ARHGEF3: variants seen among roughly 807,000 people sequenced by gnomAD.
ARHGEF3 encodes 59.8 kDA protein.
Under a neutral mutation model 63.2 loss-of-function variants are expected in ARHGEF3, and 28 were observed. The ratio of observed to expected loss-of-function variants is 0.44; its 90% CI spans 0.33 to 0.61. The LOEUF is 0.61. Among genes scored for constraint, ARHGEF3 ranks in the 20% least tolerant of loss-of-function variants. The probability of loss-of-function intolerance (pLI) is 0.03; values close to 1 mark genes in which losing one functional copy is unlikely to be tolerated. For missense variants in ARHGEF3, 533 were observed against 659.3 expected (o/e 0.81, Z 2.10); for synonymous variants, 266 against 254.2 (o/e 1.05, Z -0.44).
At chr3:56,913,840 A>T (rs886085932) in intron 3 of ARHGEF3, among the ~76,000 whole-genome samples, 1 of 152,248 alleles carries the variant, frequency 6.6e-6, no homozygotes, top group Non-Finnish European at 1.5e-5. Context: ...TTGCACATGC[A>T]TGTTTATAGC....
At chr3:56,749,800 GCTAAAATTGACTCCTGAA>G (rs1279893101) in intron 6 of ARHGEF3, among the ~76,000 whole-genome samples, 1 of 151,994 alleles carries the variant, frequency 6.6e-6, no homozygotes, top group Non-Finnish European at 1.5e-5. Context: ...CAGCCTTGGT[GCTAAAATTGACTCCTGAA>G]CTAAAGCTAT....
chr3:57,042,697 TATA>T lies in ARHGEF3; in HGVS notation c.-27-7524_-27-7522del, dbSNP rs1470808483. Among the ~76,000 whole-genome samples, 113 of 25,254 alleles carry T rather than the reference TATA, an allele frequency of 4.5e-3. 1 individual carries two copies. Among genetic ancestry groups the T allele is most frequent in the Non-Finnish European group, 4.7e-3 (63 of 13,328 alleles). 16.6% of individuals were successfully genotyped at this position (25,254 alleles called of 152,430 possible). A position where few individuals can be genotyped will look rare whatever the true frequency, so the allele number is the denominator to read the frequency against. On this transcript the variant is annotated intron_variant, in intron 1 of 12. Transcript: ENST00000338458. ...ATATATATATATATATATATATATA[TATA>T]TTTTTTTTTTTTTTTAGACGGAGTC...
At chr3:57,009,983 A>T (rs1029474192) in intron 2 of ARHGEF3, among the ~76,000 whole-genome samples, 12 of 152,212 alleles carry the variant, frequency 7.9e-5, no homozygotes, top group African/African-American at 2.9e-4. Flanking sequence ...AAACAAAGTC[A>T]CACCGCAGCA....
intron 3 of ARHGEF3, among the ~76,000 whole-genome samples, chr3:56,901,488 T>C (rs1260035588): frequency 6.6e-6 from 1 of 151,992 alleles, no homozygotes; most frequent in Non-Finnish European, 1.5e-5. Context: ...CATAGTAGTA[T>C]GTTCTATTAA....
intron 3 of ARHGEF3, among the ~76,000 whole-genome samples, chr3:56,933,815 C>T (rs955196129): frequency 6.6e-6 from 1 of 152,174 alleles, no homozygotes; most frequent in African/African-American, 2.4e-5. Context: ...CAAATCTCCT[C>T]TCAAATTGTA....
rs748788517 is a variant in ARHGEF3 at position 56,755,156 on chromosome 3, A to C, written c.205-5T>G. On this transcript the variant is annotated splice_region_variant and splice_polypyrimidine_tract_variant and intron_variant, in intron 2 of 9. Coordinates refer to ENST00000296315, the MANE Select transcript of ARHGEF3 (RefSeq NM_019555.3). Reference sequence around the variant, plus strand: ...ACTGCGGAAGCTAATGGAGCGCTAAACAATGAGAAAAACAAACCATCACGG... The same window carrying C: ...ACTGCGGAAGCTAATGGAGCGCTAACCAATGAGAAAAACAAACCATCACGG... The C allele has an allele frequency of 6.2e-7, 1 of 1,612,518 alleles. No homozygotes were observed. The highest frequency in any genetic ancestry group is 2.2e-5 in the East Asian group (1 of 44,852).
intron 4 of ARHGEF3, among the ~76,000 whole-genome samples, chr3:56,879,910 T>C (rs763338225): frequency 1.3e-5 from 2 of 152,220 alleles, no homozygotes; most frequent in Admixed American, 6.5e-5. Flanking sequence ...TACCATTTAG[T>C]TCCATTCAAC....
At position 56,801,814 on chromosome 3, in the gene ARHGEF3, T is replaced by C. The variant is rs1242357158; in HGVS notation, c.-16A>G. On this transcript the variant is annotated 5_prime_UTR_variant, in exon 1 of 10. Coordinates refer to ENST00000296315, the MANE Select transcript of ARHGEF3 (RefSeq NM_019555.3). The stretch of plus-strand genomic sequence containing the variant: ...TGGCCACCATGGCGGCTGCCGGGCC[T>C]GCCCTTTGGGATGTCACCGCTGACC... 6.4e-7 allele frequency: 1 copy of C among 1,555,048 alleles called. No homozygotes were observed. Among genetic ancestry groups the C allele is most frequent in the East Asian group, 2.4e-5 (1 of 41,502 alleles).
intron 2 of ARHGEF3, among the ~76,000 whole-genome samples, chr3:56,965,645 CTTTTTTTTT>C (rs759458048): frequency 3.0e-5 from 4 of 133,354 alleles, no homozygotes; most frequent in East Asian, 2.2e-4. Context: ...AAACTACATT[CTTTTTTTTT>C]TTTTTTTTTT....
chr3:56,914,173 A>C (rs1323230663), intron 3 of ARHGEF3, among the ~76,000 whole-genome samples: 2 of 152,254 alleles, frequency 1.3e-5, no homozygotes, highest in Non-Finnish European at 2.9e-5. Context: ...AATAGGTTGC[A>C]GTGTATGCTG....
At chr3:56,916,201 T>C (rs1298094715) in intron 3 of ARHGEF3, 1 of 1,383,408 alleles carries the variant, frequency 7.2e-7, no homozygotes, top group African/African-American at 1.5e-5. Flanking sequence ...TCTTGGAAGG[T>C]AAAGAGAACA....
intron 4 of ARHGEF3, among the ~76,000 whole-genome samples, chr3:56,834,425 C>T (rs977597356): frequency 7.9e-5 from 12 of 151,982 alleles, no homozygotes; most frequent in African/African-American, 2.7e-4. Context: ...AATTTAATAA[C>T]GCTATATCCC....
At chr3:57,072,232 T>C (rs189973394) in intron 1 of ARHGEF3, among the ~76,000 whole-genome samples, 1 of 152,250 alleles carries the variant, frequency 6.6e-6, no homozygotes, top group Non-Finnish European at 1.5e-5. Flanking sequence ...ATGTTAAGAG[T>C]TACCATATAC....
intron 1 of ARHGEF3, among the ~76,000 whole-genome samples, chr3:57,068,168 TACACACAC>T (rs55876198): frequency 6.7e-6 from 1 of 148,980 alleles, no homozygotes; most frequent in Admixed American, 6.7e-5. Flanking sequence ...CACACACACA[TACACACAC>T]ACACACACAC....
At chr3:57,002,405 C>T (rs1337163471) in intron 2 of ARHGEF3, among the ~76,000 whole-genome samples, 2 of 102,874 alleles carry the variant, frequency 1.9e-5, no homozygotes, top group Non-Finnish European at 4.1e-5. Context: ...TTATTATATG[C>T]CAGGCACTGT....
At chr3:56,832,106 A>T (rs985139733) in intron 4 of ARHGEF3, among the ~76,000 whole-genome samples, 1 of 152,208 alleles carries the variant, frequency 6.6e-6, no homozygotes, top group Non-Finnish European at 1.5e-5. Flanking sequence ...TTAGCAGGCA[A>T]AGCAGGGCTC....
chr3:56,734,181 C>T (rs1287504236), intron 8 of ARHGEF3, among the ~76,000 whole-genome samples: 2 of 152,008 alleles, frequency 1.3e-5, no homozygotes, highest in East Asian at 1.9e-4. Flanking sequence ...GGTATATTTG[C>T]TCCATTCAAT....
At chr3:56,916,432 G>T in intron 3 of ARHGEF3, 1 of 1,449,204 alleles carries the variant, frequency 6.9e-7, no homozygotes, top group Admixed American at 2.6e-5. Flanking sequence ...GCTGAGCATA[G>T]TTTCCCTGAA....
chr3:56,761,897 G>T (rs1421996806), intron 2 of ARHGEF3, among the ~76,000 whole-genome samples: 2 of 152,172 alleles, frequency 1.3e-5, no homozygotes, highest in African/African-American at 4.8e-5. Flanking sequence ...CCTAGGATAA[G>T]ATTCATAGTG....
Sources: gnomAD v4.1 joint callset for allele counts (sites outside exome capture counted in the v4.1 genomes callset) on GRCh38, gnomAD v4.1.1 for gene constraint, MANE v1.5 for transcripts, NCBI Gene and HGNC (gene_info 2026-07-23, HGNC 2026-07-21) for gene names.